EML5: variants seen among roughly 807,000 people sequenced by gnomAD.
EML5 encodes the protein echinoderm microtubule-associated protein-like 5.
A neutral mutation model predicts 250.0 loss-of-function variants in EML5; 120 were observed. The ratio of observed to expected loss-of-function variants is 0.48; its 90% CI spans 0.41 to 0.56. EML5 has a LOEUF of 0.56. EML5 is among the 20% of genes least tolerant of loss of function. The pLI, the probability that EML5 is intolerant of heterozygous loss-of-function variation, is 0.00. For synonymous variants in EML5, 771 were observed against 806.5 expected, an observed-to-expected ratio of 0.96 and a Z score of 0.75; for missense variants, 2,006 against 2,437.6, an observed-to-expected ratio of 0.82 and a Z score of 3.73.
chr14:88,788,898 G>GA lies in EML5; in HGVS notation c.197+3408dup, dbSNP rs10708422. The stretch of plus-strand genomic sequence containing the variant: ...AACATACAGAGACCCCATCTTTACC[G>GA]AAAAAAAAAAAAAAATAGCCCAGCA... On this transcript the variant is annotated intron_variant, in intron 1 of 43. Transcript: ENST00000554922. 3.9e-3 allele frequency among the ~76,000 whole-genome samples: 536 copies of GA among 136,536 alleles called. 3 individuals carry two copies. Among genetic ancestry groups the GA allele is most frequent in the Non-Finnish European group, 4.9e-3 (315 of 63,696 alleles). 89.6% of individuals were successfully genotyped at this position (136,536 alleles called of 152,430 possible).
intron 6 of EML5, among the ~76,000 whole-genome samples, chr14:88,737,256 T>C (rs561315361): frequency 1.3e-5 from 2 of 152,332 alleles, no homozygotes; most frequent in African/African-American, 2.4e-5. Context: ...GAAAGAGCTA[T>C]TAACATGCTG....
chr14:88,620,571 G>A lies in EML5; in HGVS notation c.5375+183C>T. On this transcript the variant is annotated intron_variant, in intron 39 of 43. Coordinates refer to ENST00000554922, the MANE Select transcript of EML5 (RefSeq NM_183387.3). The surrounding 1 kb of genome is among the most constrained non-coding windows in gnomAD (Gnocchi z 4.3). ...TGCTATTATAGTTGGTGCCCAGTGGGTTTATAATTTAGCAAGAAGAATTAA... is the reference window on the plus strand; with the variant it reads ...TGCTATTATAGTTGGTGCCCAGTGGATTTATAATTTAGCAAGAAGAATTAA... 2.0e-6 allele frequency: 1 copy of A among 488,434 alleles called. No homozygotes were observed. Among genetic ancestry groups the A allele is most frequent in the African/African-American group, 2.0e-5 (1 of 49,940 alleles). The allele number at this position is 488,434 out of a possible 1,614,324, so 30.3% of individuals were successfully genotyped here.
At chr14:88,769,843 C>G (rs1279321368) in intron 1 of EML5, among the ~76,000 whole-genome samples, 1 of 152,008 alleles carries the variant, frequency 6.6e-6, no homozygotes. Context: ...CTTCTTACTC[C>G]AAGAGTGAGA....
intron 3 of EML5, among the ~76,000 whole-genome samples, chr14:88,744,630 A>G (rs2093978477): frequency 6.6e-6 from 1 of 152,062 alleles, no homozygotes; most frequent in African/African-American, 2.4e-5. Context: ...AATTCCATAA[A>G]TTCTAAATAC....
rs1400395052 is a variant in EML5, at chr14:88,684,869, T to C, written c.2982+146A>G. On this transcript the variant is annotated intron_variant, in intron 20 of 43. Coordinates refer to ENST00000554922, the MANE Select transcript of EML5 (RefSeq NM_183387.3). ...CTGTATACGTTAAAATTTTTTTCTG[T>C]ATACATTAAATTTTTTTTCTGTATA... 13 of 711,430 alleles carry C rather than the reference T, an allele frequency of 1.8e-5. No individual in the cohort carries two copies. In the Admixed American group the frequency reaches 4.4e-4, roughly 24 times the overall value. 44.1% of individuals were successfully genotyped at this position (711,430 alleles called of 1,614,324 possible).
At chr14:88,616,633 G>T in intron 42 of EML5, 93 bp downstream of exon 42, 1 of 1,279,792 alleles carries the variant, frequency 7.8e-7, no homozygotes, top group Non-Finnish European at 1.1e-6. Context: ...TAGAAATTAG[G>T]ACAAAACATT....
intron 33 of EML5, among the ~76,000 whole-genome samples, chr14:88,631,770 C>CA (rs1483022377): frequency 6.6e-6 from 1 of 151,812 alleles, no homozygotes; most frequent in African/African-American, 2.4e-5. Flanking sequence ...AACTCCATCT[C>CA]AAAAAAAGAA....
Position 88,715,253 on chromosome 14 carries a change from GT to G in EML5, c.1188-59del, listed in dbSNP as rs1192086113. 2.7e-6 allele frequency: 4 copies of G among 1,464,038 alleles called. No individual in the cohort carries two copies. The African/African-American group carries it at 5.7e-5, about 21-fold the overall frequency. 90.7% of individuals were successfully genotyped at this position (1,464,038 alleles called of 1,614,324 possible). A position where few individuals can be genotyped will look rare whatever the true frequency, so the allele number is the denominator to read the frequency against. On this transcript the variant is annotated intron_variant, in intron 8 of 43. Coordinates refer to ENST00000554922, the MANE Select transcript of EML5 (RefSeq NM_183387.3). ...CAGAAGTCACAACAGAATTAATGCC[GT>G]TTCAAACATGTCTAAAATGACCGTG...
intron 1 of EML5, among the ~76,000 whole-genome samples, chr14:88,769,208 C>A (rs747098990): frequency 1.4e-4 from 21 of 152,264 alleles, no homozygotes; most frequent in Non-Finnish European, 2.1e-4. Context: ...GAGGTGGAGC[C>A]TGATAGGAGA....
chr14:88,748,380 T>G lies in EML5; in HGVS notation c.358-2097A>C, dbSNP rs545512394. 1.2e-4 allele frequency among the ~76,000 whole-genome samples: 18 copies of G among 152,224 alleles called. No homozygotes were observed. In the South Asian group the frequency reaches 3.5e-3, roughly 30 times the overall value. On this transcript the variant is annotated intron_variant, in intron 2 of 43. Transcript: ENST00000554922. ...ATACCTCTTTGAACTCGCTGGGCAG[T>G]CATTAGGAATCCTGAGGTCAGGAGG...
At position 88,747,057 on chromosome 14, in the gene EML5, G is replaced by C. The variant is rs138597955; in HGVS notation, c.358-774C>G. On this transcript the variant is annotated intron_variant, in intron 2 of 43. Coordinates refer to ENST00000554922, the MANE Select transcript of EML5 (RefSeq NM_183387.3). The stretch of plus-strand genomic sequence containing the variant: ...ATCCTAAATGAAGTACCGCAACTTT[G>C]ATCTATCCCTCAAAGAATTCCTACA... 5.8e-3 allele frequency among the ~76,000 whole-genome samples: 885 copies of C among 152,022 alleles called. 18 individuals carry two copies. The highest frequency in any genetic ancestry group is 0.021 in the African/African-American group (861 of 41,456).
At chr14:88,759,691 A>AC (rs2094210083) in intron 1 of EML5, among the ~76,000 whole-genome samples, 1 of 150,140 alleles carries the variant, frequency 6.7e-6, no homozygotes, top group African/African-American at 2.5e-5. Context: ...CTCTTAAAAA[A>AC]AAAAAAAAAA....
intron 28 of EML5, among the ~76,000 whole-genome samples, chr14:88,647,932 G>A (rs1022944240): frequency 2.6e-5 from 4 of 152,108 alleles, no homozygotes; most frequent in Admixed American, 6.6e-5. Context: ...TGGTAGCACT[G>A]GAGATACTTC....
chr14:88,671,954 T>C (rs1595464076), intron 21 of EML5, among the ~76,000 whole-genome samples: 1 of 152,072 alleles, frequency 6.6e-6, no homozygotes, highest in South Asian at 2.1e-4. Flanking sequence ...ATAATAATAG[T>C]GGGAGACTTT....
At chr14:88,778,793 C>G (rs2094470773) in intron 1 of EML5, among the ~76,000 whole-genome samples, 1 of 152,070 alleles carries the variant, frequency 6.6e-6, no homozygotes, top group Non-Finnish European at 1.5e-5. Context: ...CAAAACAAAA[C>G]AAAACAAAGT....
At chr14:88,649,812 A>T in intron 28 of EML5, 100 bp downstream of exon 28, 1 of 929,524 alleles carries the variant, frequency 1.1e-6, no homozygotes, top group Non-Finnish European at 1.6e-6. Context: ...TGACAAATGT[A>T]GTTAAATGTT....
intron 8 of EML5, among the ~76,000 whole-genome samples, chr14:88,724,793 C>T (rs1246642315): frequency 2.0e-5 from 3 of 152,066 alleles, no homozygotes; most frequent in African/African-American, 7.2e-5. Context: ...TTCTAACCTG[C>T]AAAACTGAAG....
chr14:88,658,414 T>C lies in EML5; in HGVS notation c.3676-26A>G, dbSNP rs1216698468. Reference sequence around the variant, plus strand: ...CTAAAGAGGAAGAAAATTCAAACAATCTTTCTGAGAAATTTCATTATTTAA... The same window carrying C: ...CTAAAGAGGAAGAAAATTCAAACAACCTTTCTGAGAAATTTCATTATTTAA... On this transcript the variant is annotated intron_variant, in intron 25 of 43. Coordinates refer to ENST00000554922, the MANE Select transcript of EML5 (RefSeq NM_183387.3). The C allele has an allele frequency of 7.3e-6, 11 of 1,514,872 alleles. No individual in the cohort carries two copies. In the Admixed American group the frequency reaches 1.9e-4, roughly 27 times the overall value. The allele number at this position is 1,514,872 out of a possible 1,614,324, so 93.8% of individuals were successfully genotyped here.
intron 10 of EML5, among the ~76,000 whole-genome samples, chr14:88,707,310 C>G (rs1237449610): frequency 1.6e-5 from 2 of 124,122 alleles, no homozygotes; most frequent in East Asian, 5.0e-4. Flanking sequence ...TTATTTATGG[C>G]AGAGACAGGG....
Sources: gnomAD v4.1 joint callset for allele counts (sites outside exome capture counted in the v4.1 genomes callset) on GRCh38, gnomAD v4.1.1 for gene constraint, Gnocchi (gnomAD v3.1) non-coding constraint, MANE v1.5 for transcripts, NCBI Gene and HGNC (gene_info 2026-07-23, HGNC 2026-07-21) for gene names.